PREX1: variants seen among roughly 807,000 people sequenced by gnomAD.
PREX1 encodes phosphatidylinositol-3,4,5-trisphosphate dependent Rac exchange factor 1.
In PREX1, 41 loss-of-function variants were observed where a neutral mutation model predicts 198.3. The ratio of observed to expected loss-of-function variants is 0.21; its 90% confidence interval spans 0.16 to 0.27. PREX1 has a LOEUF of 0.27. Among genes scored for constraint, PREX1 ranks in the 10% least tolerant of loss-of-function variants. The probability of loss-of-function intolerance (pLI) is 1.00; values close to 1 mark genes in which losing one functional copy is unlikely to be tolerated. For synonymous variants in PREX1, 843 were observed against 887.2 expected (o/e 0.95, Z 0.89); for missense variants, 1,620 against 2,200.7 (o/e 0.74, Z 5.28).
At chr20:48,848,561 A>AT in the PREX1 span, among the ~76,000 whole-genome samples, 1 of 152,026 alleles carries the variant, frequency 6.6e-6, no homozygotes, top group Non-Finnish European at 1.5e-5. Context: ...CCGGCCTATT[A>AT]TTACTTATTA....
intron 1 of PREX1, among the ~76,000 whole-genome samples, chr20:48,819,667 G>A (rs1245688741): frequency 6.6e-6 from 1 of 152,200 alleles, no homozygotes; most frequent in Non-Finnish European, 1.5e-5. Context: ...ACAGTACCTG[G>A]AACAGAGCAA....
At chr20:48,640,751 G>C (rs1425186467) in intron 29 of PREX1, among the ~76,000 whole-genome samples, 2 of 140,116 alleles carry the variant, frequency 1.4e-5, no homozygotes, top group African/African-American at 5.1e-5. Context: ...AGCATGAATG[G>C]ACAGGTAGAT....
the PREX1 span, among the ~76,000 whole-genome samples, chr20:48,860,259 G>A: frequency 6.6e-6 from 1 of 152,162 alleles, no homozygotes; most frequent in African/African-American, 2.4e-5. Flanking sequence ...TTATGCTAAT[G>A]AAACAAGCCA....
rs199526177 is a variant in PREX1 at position 48,747,010 on chromosome 20, A to C, written c.291+799T>G. Among the ~76,000 whole-genome samples the C allele has an allele frequency of 1.3e-3, 157 of 117,920 alleles. No homozygotes were observed. The East Asian group carries it at 0.017, about 13-fold the overall frequency. 77.4% of individuals were successfully genotyped at this position (117,920 alleles called of 152,430 possible). A position where few individuals can be genotyped will look rare whatever the true frequency, so the allele number is the denominator to read the frequency against. Reference sequence around the variant, plus strand: ...CACACACACACACACACACACACACACCCCACCCCCAGGAGGAGCCATGCA... The same window carrying C: ...CACACACACACACACACACACACACCCCCCACCCCCAGGAGGAGCCATGCA... On this transcript the variant is annotated intron_variant, in intron 2 of 39. Transcript: ENST00000371941.
At chr20:48,675,508 G>A (rs1601067180) in intron 14 of PREX1, among the ~76,000 whole-genome samples, 1 of 152,206 alleles carries the variant, frequency 6.6e-6, no homozygotes, top group African/African-American at 2.4e-5. Context: ...TCAGTAAAAT[G>A]AGCCAGGCAC....
intron 5 of PREX1, among the ~76,000 whole-genome samples, chr20:48,709,980 A>C (rs768261690): frequency 6.6e-6 from 1 of 152,156 alleles, no homozygotes; most frequent in Non-Finnish European, 1.5e-5. Context: ...CTGCATCATC[A>C]GGCCCCTGGG....
chr20:48,628,441 C>A (rs2089289987), intron 37 of PREX1, among the ~76,000 whole-genome samples: 1 of 152,166 alleles, frequency 6.6e-6, no homozygotes, highest in Non-Finnish European at 1.5e-5. Context: ...TCCTCTGTGA[C>A]CCTGGGTAGC....
At chr20:48,719,303 AC>A (rs34646004) in intron 5 of PREX1, among the ~76,000 whole-genome samples, 25,588 of 138,226 alleles carry the variant, frequency 0.19, 2,252 homozygotes, top group Middle Eastern at 0.3. Context: ...TGATGGCAGG[AC>A]CCCCCCCCCA....
At chr20:48,748,514 C>T (rs1300467655) in intron 1 of PREX1, among the ~76,000 whole-genome samples, 1 of 151,758 alleles carries the variant, frequency 6.6e-6, no homozygotes, top group African/African-American at 2.4e-5. Context: ...CAAAAAATAG[C>T]AACGTATACT....
At chr20:48,840,665 G>A in the PREX1 span, among the ~76,000 whole-genome samples, 3 of 152,190 alleles carry the variant, frequency 2.0e-5, no homozygotes, top group South Asian at 2.1e-4. Flanking sequence ...GCTACCAAGG[G>A]GTCATTGCTA....
intron 7 of PREX1, among the ~76,000 whole-genome samples, chr20:48,696,977 T>TACATAC (rs111517056): frequency 6.7e-6 from 1 of 148,594 alleles, no homozygotes; most frequent in Admixed American, 6.8e-5. Flanking sequence ...TAAATCTCTT[T>TACATAC]ACACACACAC....
At chr20:48,866,205 C>CTTTTAATTT in the PREX1 span, among the ~76,000 whole-genome samples, 1 of 152,004 alleles carries the variant, frequency 6.6e-6, no homozygotes, top group African/African-American at 2.4e-5. Flanking sequence ...TCTGGCTAAA[C>CTTTTAATTT]TTTTAATTTT....
intron 1 of PREX1, among the ~76,000 whole-genome samples, chr20:48,794,364 C>T (rs905040785): frequency 6.6e-6 from 1 of 152,158 alleles, no homozygotes; most frequent in African/African-American, 2.4e-5. Context: ...GACAGAGAGT[C>T]CTGAAGGAAG....
chr20:48,886,460 C>A, the PREX1 span, among the ~76,000 whole-genome samples: 3,834 of 152,218 alleles, frequency 0.025, 63 homozygotes, highest in South Asian at 0.055. Flanking sequence ...AGCCAAATAC[C>A]CCCACCATGG....
the PREX1 span, among the ~76,000 whole-genome samples, chr20:48,849,861 A>G: frequency 6.6e-6 from 1 of 152,282 alleles, no homozygotes; most frequent in African/African-American, 2.4e-5. Flanking sequence ...ATAATTTGGC[A>G]AGTGAGGGTG....
At chr20:48,791,243 T>C (rs767111407) in intron 1 of PREX1, among the ~76,000 whole-genome samples, 1 of 152,224 alleles carries the variant, frequency 6.6e-6, no homozygotes, top group Non-Finnish European at 1.5e-5. Context: ...GCGCTGCTGC[T>C]GCCAGATGGC....
At chr20:48,804,876 A>T (rs1019147397) in intron 1 of PREX1, among the ~76,000 whole-genome samples, 2 of 152,052 alleles carry the variant, frequency 1.3e-5, no homozygotes, top group East Asian at 3.9e-4. Flanking sequence ...GACTGGAAGG[A>T]GGGGGCCGCA....
chr20:48,724,731 A>G (rs993266849), intron 5 of PREX1, among the ~76,000 whole-genome samples: 22 of 152,258 alleles, frequency 1.4e-4, no homozygotes, highest in African/African-American at 4.8e-4. Context: ...GTCTCTAACC[A>G]CTACAGTACA....
chr20:48,776,738 C>T (rs1019373595), intron 1 of PREX1, among the ~76,000 whole-genome samples: 1 of 152,168 alleles, frequency 6.6e-6, no homozygotes, highest in Admixed American at 6.5e-5. Context: ...GCCTACTATG[C>T]GGGCACACGT....
Sources: allele counts gnomAD v4.1 joint callset (sites outside exome capture counted in the v4.1 genomes callset), GRCh38; gene constraint gnomAD v4.1.1; transcripts MANE v1.5; gene names NCBI Gene and HGNC (gene_info 2026-07-23, HGNC 2026-07-21).